The following ZNF365 variants were observed in gnomAD, a reference collection of about 807,000 sequenced individuals.
The protein encoded by ZNF365 is protein ZNF365.
In ZNF365, 22 loss-of-function variants were observed where a neutral mutation model predicts 35.0. The observed-to-expected ratio is 0.63, with a 90% CI of 0.45 to 0.90. The LOEUF (loss-of-function observed/expected upper bound fraction) is 0.90. Among genes scored for constraint, ZNF365 ranks in the 40% least tolerant of loss-of-function variants. ZNF365 has a pLI of 0.00. For missense variants in ZNF365, 448 were observed against 500.3 expected, an observed-to-expected ratio of 0.90 and a Z score of 1.00; for synonymous variants, 188 against 196.2, an observed-to-expected ratio of 0.96 and a Z score of 0.35.
At chr10:62,390,992 G>A (rs1395686944) in intron 3 of ZNF365, among the ~76,000 whole-genome samples, 1 of 152,226 alleles carries the variant, frequency 6.6e-6, no homozygotes, top group African/African-American at 2.4e-5. Flanking sequence ...TGTCTGGTGA[G>A]TGAATGTGAC....
chr10:62,460,333 C>G (rs1365420999), intron 4 of ZNF365, among the ~76,000 whole-genome samples: 1 of 152,134 alleles, frequency 6.6e-6, no homozygotes, highest in East Asian at 1.9e-4. Flanking sequence ...GCAGTGGATG[C>G]CTGAAGCTGT....
chr10:62,473,490 G>C (rs534358507), intron 4 of ZNF365, among the ~76,000 whole-genome samples: 10 of 152,190 alleles, frequency 6.6e-5, no homozygotes, highest in African/African-American at 2.2e-4. Context: ...TTTCGATTTG[G>C]GGGCCAGACT....
At chr10:62,395,576 C>T (rs1475342523) in intron 3 of ZNF365, among the ~76,000 whole-genome samples, 1 of 144,570 alleles carries the variant, frequency 6.9e-6, no homozygotes, top group East Asian at 2.0e-4. Context: ...AGGCTGGTCT[C>T]GAACTCCTGA....
At chr10:62,397,400 A>G (rs1305271308) in intron 3 of ZNF365, among the ~76,000 whole-genome samples, 1 of 152,212 alleles carries the variant, frequency 6.6e-6, no homozygotes, top group Non-Finnish European at 1.5e-5. Context: ...TCTTGGCCAC[A>G]CTGGCCCAAA....
chr10:62,433,771 G>A (rs1840367242), intron 3 of ZNF365, among the ~76,000 whole-genome samples: 1 of 152,166 alleles, frequency 6.6e-6, no homozygotes, highest in Non-Finnish European at 1.5e-5. Context: ...TTCACAACAA[G>A]GAAATATTGA....
chr10:62,435,350 A>G (rs562051548), intron 3 of ZNF365, among the ~76,000 whole-genome samples: 3 of 152,288 alleles, frequency 2.0e-5, no homozygotes, highest in South Asian at 4.2e-4. Context: ...AACCTTCTGA[A>G]TAATACTCCC....
chr10:62,396,242 A>G (rs1173773016), intron 3 of ZNF365, among the ~76,000 whole-genome samples: 1 of 152,228 alleles, frequency 6.6e-6, no homozygotes, highest in African/African-American at 2.4e-5. Flanking sequence ...TCTTATATGT[A>G]TGTACATGAA....
At chr10:62,464,565 C>A (rs1840901414) in intron 4 of ZNF365, among the ~76,000 whole-genome samples, 1 of 152,238 alleles carries the variant, frequency 6.6e-6, no homozygotes, top group Non-Finnish European at 1.5e-5. Flanking sequence ...GATTGTGAGG[C>A]AATGCCTCTA....
chr10:62,386,003 G>T (rs755742394), intron 2 of ZNF365, among the ~76,000 whole-genome samples: 1 of 151,984 alleles, frequency 6.6e-6, no homozygotes, highest in Non-Finnish European at 1.5e-5. Flanking sequence ...TCTACAACAG[G>T]CTTGTAGAAA....
chr10:62,468,440 G>A (rs1223494550), intron 4 of ZNF365, among the ~76,000 whole-genome samples: 2 of 152,164 alleles, frequency 1.3e-5, no homozygotes, highest in African/African-American at 2.4e-5. Flanking sequence ...GCTGAAACAG[G>A]ATCTAGTTTG....
intron 3 of ZNF365, among the ~76,000 whole-genome samples, chr10:62,454,979 AG>A (rs1348489805): frequency 1.3e-5 from 2 of 152,302 alleles, no homozygotes; most frequent in East Asian, 1.9e-4. Flanking sequence ...GAAATGGAGA[AG>A]GGGTAGAAGA....
intron 3 of ZNF365, among the ~76,000 whole-genome samples, chr10:62,425,350 A>G (rs1840235398): frequency 6.6e-6 from 1 of 152,124 alleles, no homozygotes; most frequent in Non-Finnish European, 1.5e-5. Flanking sequence ...CATAATCTCA[A>G]TATAAACAAA....
intron 4 of ZNF365, among the ~76,000 whole-genome samples, chr10:62,462,788 A>G (rs1840869104): frequency 6.6e-6 from 1 of 152,218 alleles, no homozygotes; most frequent in Admixed American, 6.5e-5. Flanking sequence ...AAATCTAAAA[A>G]TTTTATGTTT....
At chr10:62,453,912 C>T (rs1050134562) in intron 3 of ZNF365, among the ~76,000 whole-genome samples, 2 of 152,170 alleles carry the variant, frequency 1.3e-5, no homozygotes, top group African/African-American at 4.8e-5. Context: ...CCTCACACCC[C>T]ATTTAAATGA....
intron 2 of ZNF365, among the ~76,000 whole-genome samples, chr10:62,382,636 C>T (rs768383172): frequency 2.0e-5 from 3 of 152,156 alleles, no homozygotes; most frequent in Non-Finnish European, 2.9e-5. Flanking sequence ...GCGTTAAGGG[C>T]CAACAAGAGT....
chr10:62,450,153 C>T (rs762568196), intron 3 of ZNF365, among the ~76,000 whole-genome samples: 21 of 151,988 alleles, frequency 1.4e-4, no homozygotes, highest in Non-Finnish European at 2.4e-4. Context: ...TCTTGTATGA[C>T]CTAATTGTTG....
intron 3 of ZNF365, among the ~76,000 whole-genome samples, chr10:62,443,576 T>C (rs569514516): frequency 6.6e-6 from 1 of 152,336 alleles, no homozygotes; most frequent in East Asian, 1.9e-4. Flanking sequence ...GTTAAAAACA[T>C]TAACTTCAAC....
chr10:62,400,642 C>T lies in ZNF365; in HGVS notation c.*853C>T, dbSNP rs1191826886. 8.1e-6 allele frequency: 8 copies of T among 985,596 alleles called. No individual in the cohort carries two copies. The highest frequency in any genetic ancestry group is 8.4e-6 in the Non-Finnish European group (7 of 829,976). 61.1% of individuals were successfully genotyped at this position (985,596 alleles called of 1,614,324 possible). A position where few individuals can be genotyped will look rare whatever the true frequency, so the allele number is the denominator to read the frequency against. On this transcript the variant is annotated 3_prime_UTR_variant, in exon 5 of 5. Coordinates refer to ENST00000395254, the MANE Select transcript of ZNF365 (RefSeq NM_014951.3). Reference sequence around the variant, plus strand: ...ATGACAGTGGACTGCACGCTTGGTGCATCGTGCATCGTGACCATCCTGGAA... The same window carrying T: ...ATGACAGTGGACTGCACGCTTGGTGTATCGTGCATCGTGACCATCCTGGAA...
At chr10:62,478,699 A>G (rs1238495281) in intron 4 of ZNF365, among the ~76,000 whole-genome samples, 1 of 151,992 alleles carries the variant, frequency 6.6e-6, no homozygotes, top group Admixed American at 6.6e-5. Context: ...TCAGCCTCCC[A>G]TGTAGCTGGG....
Sources: allele counts gnomAD v4.1 joint callset (sites outside exome capture counted in the v4.1 genomes callset), GRCh38; gene constraint gnomAD v4.1.1; transcripts MANE v1.5; gene names NCBI Gene and HGNC (gene_info 2026-07-23, HGNC 2026-07-21).